The following TIMP3 variants were observed in gnomAD, a reference collection of about 807,000 sequenced individuals.
TIMP3 encodes TIMP metallopeptidase inhibitor 3, also known as metalloproteinase inhibitor 3.
TIMP3 carries 11 observed loss-of-function variants against 30.0 expected under a neutral mutation model. The observed-to-expected ratio is 0.37, with a 90% confidence interval of 0.23 to 0.61. The LOEUF is 0.61. Among genes scored for constraint, TIMP3 ranks in the 20% least tolerant of loss-of-function variants. The pLI is 0.70. For missense variants in TIMP3, 181 were observed against 276.8 expected (o/e 0.65, Z 2.45); for synonymous variants, 112 against 111.3 (o/e 1.01, Z -0.04).
chr22:32,832,200 C>T (rs1336457111), intron 1 of TIMP3, among the ~76,000 whole-genome samples: 4 of 152,206 alleles, frequency 2.6e-5, no homozygotes, highest in Non-Finnish European at 5.9e-5. Context: ...AATGTCTTAA[C>T]TCAAGTTTGA....
intron 1 of TIMP3, among the ~76,000 whole-genome samples, chr22:32,846,078 G>C (rs1488580880): frequency 6.6e-6 from 1 of 152,210 alleles, no homozygotes; most frequent in Non-Finnish European, 1.5e-5. Flanking sequence ...TCAGTTTAGT[G>C]AAGTTTTGTT....
At chr22:32,814,960 T>C (rs575718716) in intron 1 of TIMP3, among the ~76,000 whole-genome samples, 7 of 152,362 alleles carry the variant, frequency 4.6e-5, no homozygotes, top group African/African-American at 1.4e-4. Context: ...CATTTCAATA[T>C]GTAATCAATT....
chr22:32,816,626 T>G (rs2047094133), intron 1 of TIMP3, among the ~76,000 whole-genome samples: 1 of 152,186 alleles, frequency 6.6e-6, no homozygotes, highest in African/African-American at 2.4e-5. Flanking sequence ...CCTGCCAGGT[T>G]AGAAAGATGG....
At chr22:32,828,227 C>G (rs1324685880) in intron 1 of TIMP3, among the ~76,000 whole-genome samples, 1 of 152,202 alleles carries the variant, frequency 6.6e-6, no homozygotes, top group Non-Finnish European at 1.5e-5. Flanking sequence ...TAGTGAGTGT[C>G]TGTGCTGGAT....
rs994132773 is a variant in TIMP3, at chr22:32,861,912, T to G, written c.*2535T>G. On this transcript the variant is annotated 3_prime_UTR_variant, in exon 5 of 5. Transcript: ENST00000266085. ...TGTGTAGGCTGTAATATGTGTACATTGTGTTTAAGAGAAAAATGAAACCCA... is the reference window on the plus strand; with the variant it reads ...TGTGTAGGCTGTAATATGTGTACATGGTGTTTAAGAGAAAAATGAAACCCA... The G allele has an allele frequency of 6.6e-6, 1 of 152,616 alleles. No individual in the cohort carries two copies. Among genetic ancestry groups the G allele is most frequent in the African/African-American group, 2.4e-5 (1 of 41,442 alleles). The allele number at this position is 152,616 out of a possible 1,614,324, so 9.5% of individuals were successfully genotyped here. A position where few individuals can be genotyped will look rare whatever the true frequency, so the allele number is the denominator to read the frequency against.
rs2048487992 is a variant in TIMP3 at position 32,859,888 on chromosome 22, A to C, written c.*511A>C. On this transcript the variant is annotated 3_prime_UTR_variant, in exon 5 of 5. Coordinates refer to ENST00000266085, the MANE Select transcript of TIMP3 (RefSeq NM_000362.5). ...AGCAGATAGACTCAAGGTGTGTGAAAGATGTTATACACCAGGAGCTGCCAC... is the reference window on the plus strand; with the variant it reads ...AGCAGATAGACTCAAGGTGTGTGAACGATGTTATACACCAGGAGCTGCCAC... 1 of 171,354 alleles carries C rather than the reference A, an allele frequency of 5.8e-6. No individual in the cohort carries two copies. The highest frequency in any genetic ancestry group is 1.3e-5 in the Non-Finnish European group (1 of 79,888). 10.6% of individuals were successfully genotyped at this position (171,354 alleles called of 1,614,324 possible).
intron 1 of TIMP3, among the ~76,000 whole-genome samples, chr22:32,824,640 C>T (rs1299597689): frequency 6.6e-6 from 1 of 152,094 alleles, no homozygotes; most frequent in Non-Finnish European, 1.5e-5. Flanking sequence ...GATATAAATT[C>T]TCTGTATACA....
chr22:32,805,300 G>C (rs62232904), intron 1 of TIMP3, among the ~76,000 whole-genome samples: 22,348 of 152,086 alleles, frequency 0.15, 1,978 homozygotes, highest in African/African-American at 0.26. Context: ...TTCTGACAGG[G>C]GCCAGTGCCA....
At chr22:32,838,926 C>A (rs1190726439) in intron 1 of TIMP3, among the ~76,000 whole-genome samples, 2 of 151,468 alleles carry the variant, frequency 1.3e-5, no homozygotes, top group Non-Finnish European at 2.9e-5. Context: ...GTCCAAGGAA[C>A]CAATCATTAA....
At chr22:32,847,399 C>T (rs2048097421) in intron 1 of TIMP3, among the ~76,000 whole-genome samples, 1 of 152,194 alleles carries the variant, frequency 6.6e-6, no homozygotes, top group South Asian at 2.1e-4. Context: ...CCACTCGCCT[C>T]CTCCTAATTT....
chr22:32,801,833 C>A lies in TIMP3; in HGVS notation c.-169C>A, dbSNP rs2046590620. The stretch of plus-strand genomic sequence containing the variant: ...CGCCAGCGCCGAGGCAGCCTCGCTG[C>A]GCCCCATCCCGTCCCGCCGGGCACT... On this transcript the variant is annotated 5_prime_UTR_variant, in exon 1 of 5. Coordinates refer to ENST00000266085, the MANE Select transcript of TIMP3 (RefSeq NM_000362.5). The surrounding 1 kb of genome is among the most constrained non-coding windows in gnomAD (Gnocchi z 4.7). The A allele has an allele frequency of 3.9e-6, 3 of 779,032 alleles. No homozygotes were observed. The South Asian group carries it at 1.7e-4, about 45-fold the overall frequency. 48.3% of individuals were successfully genotyped at this position (779,032 alleles called of 1,614,324 possible).
chr22:32,832,831 G>A (rs555851036), intron 1 of TIMP3, among the ~76,000 whole-genome samples: 38 of 152,016 alleles, frequency 2.5e-4, no homozygotes, highest in Non-Finnish European at 4.3e-4. Context: ...AGGCTCAAGT[G>A]ATCCGTTTCC....
At chr22:32,835,955 T>A (rs1293400331) in intron 1 of TIMP3, among the ~76,000 whole-genome samples, 1 of 152,224 alleles carries the variant, frequency 6.6e-6, no homozygotes, top group Non-Finnish European at 1.5e-5. Context: ...TCTCTCATAA[T>A]TCAGTCTTGG....
At chr22:32,832,099 C>T (rs1183571473) in intron 1 of TIMP3, among the ~76,000 whole-genome samples, 1 of 152,128 alleles carries the variant, frequency 6.6e-6, no homozygotes, top group Non-Finnish European at 1.5e-5. Context: ...TTGTTTCTGT[C>T]CCCAGTTTTG....
At chr22:32,820,267 C>T (rs1370075757) in intron 1 of TIMP3, among the ~76,000 whole-genome samples, 7 of 143,344 alleles carry the variant, frequency 4.9e-5, no homozygotes, top group Non-Finnish European at 9.2e-5. Context: ...TGTGTGCGTG[C>T]GCGTGTGTGT....
intron 2 of TIMP3, among the ~76,000 whole-genome samples, chr22:32,856,585 T>C (rs989921888): frequency 6.6e-6 from 1 of 152,232 alleles, no homozygotes; most frequent in Non-Finnish European, 1.5e-5. Flanking sequence ...TATTTTGATA[T>C]ATTCAAAAAT....
intron 2 of TIMP3, among the ~76,000 whole-genome samples, chr22:32,849,761 C>T (rs2048167203): frequency 6.6e-6 from 1 of 152,140 alleles, no homozygotes; most frequent in Admixed American, 6.5e-5. Context: ...GGAGTCACTC[C>T]AAGGCACTTG....
intron 4 of TIMP3, 63 bp downstream of exon 4, chr22:32,858,201 G>T: frequency 6.2e-7 from 1 of 1,600,862 alleles, no homozygotes; most frequent in Non-Finnish European, 8.5e-7. Flanking sequence ...AGAAACATCA[G>T]CTCCCAATGC....
intron 1 of TIMP3, among the ~76,000 whole-genome samples, chr22:32,812,428 G>GAC (rs1163515733): frequency 3.3e-5 from 5 of 152,198 alleles, no homozygotes; most frequent in Non-Finnish European, 7.3e-5. Flanking sequence ...TTGCCAAACA[G>GAC]ACAGCAACCT....
Sources: gnomAD v4.1 joint callset for allele counts (sites outside exome capture counted in the v4.1 genomes callset) on GRCh38, gnomAD v4.1.1 for gene constraint, Gnocchi (gnomAD v3.1) non-coding constraint, MANE v1.5 for transcripts, NCBI Gene and HGNC (gene_info 2026-07-23, HGNC 2026-07-21) for gene names.